The following CPEB1 variants were observed in gnomAD, a reference collection of about 807,000 sequenced individuals.
The protein encoded by CPEB1 is cytoplasmic polyadenylation element binding protein 1, also known as cytoplasmic polyadenylation element-binding protein 1.
Under a neutral mutation model 65.8 loss-of-function variants are expected in CPEB1, and 7 were observed. That is an observed-to-expected ratio of 0.11 (90% CI 0.06 to 0.20). CPEB1 has a LOEUF of 0.20. CPEB1 is among the 10% of genes least tolerant of loss of function. The pLI is 1.00. For synonymous variants in CPEB1, 262 were observed against 260.0 expected, an observed-to-expected ratio of 1.01 and a Z score of -0.08; for missense variants, 551 against 712.2, an observed-to-expected ratio of 0.77 and a Z score of 2.58.
upstream of CPEB1, chr15:82,648,016 C>T: frequency 1.8e-6 from 1 of 570,098 alleles, no homozygotes; most frequent in Non-Finnish European, 2.6e-6. Context: ...AGCCGCTCCT[C>T]GGAGCCGCCC....
intron 6 of CPEB1, among the ~76,000 whole-genome samples, chr15:82,554,376 T>C (rs1182900886): frequency 1.3e-5 from 2 of 152,236 alleles, no homozygotes; most frequent in Non-Finnish European, 2.9e-5. Context: ...TACAACATCT[T>C]GCAGGCTTAC....
At chr15:82,630,022 A>T (rs2046106624) in intron 1 of CPEB1, 2 of 985,278 alleles carry the variant, frequency 2.0e-6, no homozygotes, top group Non-Finnish European at 2.4e-6. Context: ...ATCCAGTGAC[A>T]CACAAGGCCC....
At chr15:82,628,231 T>C (rs2045937329) in intron 2 of CPEB1, 133 bp downstream of exon 2, 1 of 702,830 alleles carries the variant, frequency 1.4e-6, no homozygotes, top group Non-Finnish European at 2.6e-6. Flanking sequence ...TTCCAGATGT[T>C]GTACATGACT....
chr15:82,602,956 C>A (rs1479130587), intron 3 of CPEB1, among the ~76,000 whole-genome samples: 1 of 152,170 alleles, frequency 6.6e-6, no homozygotes, highest in African/African-American at 2.4e-5. Context: ...CCAATGAGAA[C>A]ACTAGCAAAA....
At chr15:82,622,312 C>T (rs1456711564) in intron 3 of CPEB1, among the ~76,000 whole-genome samples, 1 of 152,112 alleles carries the variant, frequency 6.6e-6, no homozygotes, top group East Asian at 1.9e-4. Flanking sequence ...AGCCCAAAAG[C>T]TCAGGCCTTT....
intron 3 of CPEB1, among the ~76,000 whole-genome samples, chr15:82,594,364 A>G (rs199728697): frequency 6.7e-6 from 1 of 150,238 alleles, no homozygotes; most frequent in African/African-American, 2.5e-5. Context: ...TGAACCAAAA[A>G]AAAAGAAAAG....
At chr15:82,553,392 C>T (rs2036616420) in intron 8 of CPEB1, 75 bp downstream of exon 8, 1 of 1,115,044 alleles carries the variant, frequency 9.0e-7, no homozygotes, top group Non-Finnish European at 1.4e-6. Flanking sequence ...ATCCCAGCAC[C>T]CCTAGGTGCA....
chr15:82,589,500 T>C (rs2042052285), intron 3 of CPEB1, among the ~76,000 whole-genome samples: 1 of 152,164 alleles, frequency 6.6e-6, no homozygotes, highest in Non-Finnish European at 1.5e-5. Context: ...TCCTAGCACT[T>C]TGGGAGGCAG....
chr15:82,628,078 T>C, intron 2 of CPEB1: 1 of 634,206 alleles, frequency 1.6e-6, no homozygotes. Flanking sequence ...AAAGGATTGT[T>C]AATGCTGTGG....
intron 3 of CPEB1, among the ~76,000 whole-genome samples, chr15:82,593,873 A>G (rs1178615528): frequency 6.6e-6 from 1 of 152,238 alleles, no homozygotes; most frequent in African/African-American, 2.4e-5. Context: ...GAGCAGTAAT[A>G]TTATGAAAGG....
rs1392301855 is a variant in CPEB1, at chr15:82,606,734, C to T, written c.271+20459G>A. ...TTGGGAGGCTGAGGCAGGAGAATGG[C>T]GTGAACCCGGGAGGCGGAGCTTGCA... On this transcript the variant is annotated intron_variant, in intron 3 of 12. Transcript: ENST00000684509. Among the ~76,000 whole-genome samples the T allele has an allele frequency of 1.9e-4, 14 of 72,662 alleles. 4 individuals are homozygous for T. Among genetic ancestry groups the T allele is most frequent in the African/African-American group, 7.2e-4 (12 of 16,608 alleles). 47.7% of individuals were successfully genotyped at this position (72,662 alleles called of 152,430 possible).
Position 82,547,161 on chromosome 15 carries a change from G to C in CPEB1, c.1557C>G (p.Thr519=), listed in dbSNP as rs768160786. The change falls in exon 11 of 13, where the codon ACC becomes ACG. Residue 519 remains threonine (T), a synonymous_variant. Transcript: ENST00000684509. The part of the protein sequence containing the change: ...AVSAAFVEIK[T]TKFTKKVQID... ...AACTCACCTTCTTTGTGAACTTGGT[G>C]GTTTTGATCTCCACAAAAGCAGCGC... 2.5e-6 allele frequency: 4 copies of C among 1,612,696 alleles called. No homozygotes were observed.
chr15:82,548,612 T>C (rs994863073), intron 10 of CPEB1: 5 of 400,200 alleles, frequency 1.2e-5, no homozygotes, highest in African/African-American at 1.0e-4. Flanking sequence ...GATAGAACAC[T>C]TGTCTGAAGG....
chr15:82,620,451 T>C (rs1009795360), intron 3 of CPEB1, among the ~76,000 whole-genome samples: 1 of 151,562 alleles, frequency 6.6e-6, no homozygotes, highest in Admixed American at 6.6e-5. Flanking sequence ...TGTACATATC[T>C]GTGATTCCAT....
chr15:82,594,878 C>T (rs1399822699), intron 3 of CPEB1, among the ~76,000 whole-genome samples: 1 of 152,030 alleles, frequency 6.6e-6, no homozygotes, highest in South Asian at 2.1e-4. Context: ...GGGAGAGAGA[C>T]AGGAGAACGG....
chr15:82,635,708 A>C (rs1036788476), intron 1 of CPEB1, among the ~76,000 whole-genome samples: 6 of 152,252 alleles, frequency 3.9e-5, no homozygotes, highest in South Asian at 2.1e-4. Context: ...TAGGAAAAAG[A>C]AACAAATCTA....
At chr15:82,637,927 TA>T (rs1322324868) in intron 1 of CPEB1, 9 of 438,404 alleles carry the variant, frequency 2.1e-5, no homozygotes, top group South Asian at 5.0e-5. Flanking sequence ...TATTAACCAT[TA>T]AAAAAACCTA....
rs75297173 is a variant in CPEB1 at position 82,641,186 on chromosome 15, G to A, written c.-98+5951C>T. The stretch of plus-strand genomic sequence containing the variant: ...ACTCCAAGTTATATGTAGGAGACAG[G>A]TCTCTAACACCTTTTGAGCTTCACA... On this transcript the variant is annotated intron_variant, in intron 1 of 12. Transcript: ENST00000684509. Among the ~76,000 whole-genome samples the A allele has an allele frequency of 2.6e-5, 4 of 152,048 alleles. No individual in the cohort carries two copies. The East Asian group carries it at 5.8e-4, about 22-fold the overall frequency.
chr15:82,632,038 A>G (rs2046296362), intron 1 of CPEB1, among the ~76,000 whole-genome samples: 1 of 144,536 alleles, frequency 6.9e-6, no homozygotes, highest in East Asian at 2.0e-4. Flanking sequence ...CTGGAGTGCA[A>G]TGGTGTGATC....
Sources: allele counts gnomAD v4.1 joint callset (sites outside exome capture counted in the v4.1 genomes callset), GRCh38; gene constraint gnomAD v4.1.1; transcripts MANE v1.5; gene names NCBI Gene and HGNC (gene_info 2026-07-23, HGNC 2026-07-21).